KIAA0930: variants seen among roughly 807,000 people sequenced by gnomAD.
KIAA0930 encodes the protein KIAA0930, also known as uncharacterized protein KIAA0930.
In KIAA0930, 24 loss-of-function variants were observed where a neutral mutation model predicts 43.9. The ratio of observed to expected loss-of-function variants is 0.55; its 90% CI spans 0.40 to 0.77. The LOEUF is 0.77. Ranked by LOEUF, KIAA0930 falls within the 30% of genes least tolerant of loss-of-function variation. The pLI is 0.00. For synonymous variants in KIAA0930, 259 were observed against 216.4 expected (o/e 1.20, Z -1.73); for missense variants, 461 against 574.2 (o/e 0.80, Z 2.02).
chr22:45,224,585 T>C (rs1320360581), intron 1 of KIAA0930, among the ~76,000 whole-genome samples: 1 of 152,202 alleles, frequency 6.6e-6, no homozygotes. Context: ...CGGTCCCTGC[T>C]GCCCCCGCCA....
chr22:45,228,252 C>T (rs971386551), intron 1 of KIAA0930, among the ~76,000 whole-genome samples: 22 of 152,206 alleles, frequency 1.4e-4, no homozygotes, highest in African/African-American at 5.1e-4. Context: ...CCCTGAGCAG[C>T]TGGTCCTGCC....
Position 45,205,919 on chromosome 22 carries a change from G to A in KIAA0930, c.217-7C>T. On this transcript the variant is annotated splice_polypyrimidine_tract_variant and splice_region_variant and intron_variant, in intron 2 of 9. Coordinates refer to ENST00000336156, the MANE Select transcript of KIAA0930 (RefSeq NM_001009880.2). ...CCACCTCAGGCTCAGCTGCCTGCGA[G>A]GCCCAGAGCAGAAGTGAGTGCCCAG... is the stretch of plus-strand genomic sequence containing the variant. 6.2e-7 allele frequency: 1 copy of A among 1,612,446 alleles called. No homozygotes were observed. The highest frequency in any genetic ancestry group is 2.2e-5 in the East Asian group (1 of 44,884).
In KIAA0930 at chr22:45,199,899, T is replaced by A. The variant is rs998491313; in HGVS notation, c.989A>T (p.Glu330Val). ...KKSHSANDSEEFFREDDGGAD... is the reference protein window; with the variant it reads ...KKSHSANDSEVFFREDDGGAD... ...TCCACCGTCGTCCTCCCGGAAGAACTCCTCGCTGTCGTTGGCCGAGTGCGA... is the reference window on the plus strand; with the variant it reads ...TCCACCGTCGTCCTCCCGGAAGAACACCTCGCTGTCGTTGGCCGAGTGCGA... The change falls in exon 8 of 10, where the codon GAG (glutamate) becomes GTG (valine). Residue 330 changes from glutamate (E) to valine (V), a missense_variant. Glu to Val is a moderately radical substitution (Grantham distance 121). Coordinates refer to ENST00000336156, the MANE Select transcript of KIAA0930 (RefSeq NM_001009880.2). The A allele has an allele frequency of 3.8e-6, 6 of 1,594,376 alleles. No homozygotes were observed. In the African/African-American group the frequency reaches 8.1e-5, roughly 21 times the overall value.
In KIAA0930 at chr22:45,197,935, A is replaced by G. The variant is rs1244642610; in HGVS notation, c.1029T>C (p.Asn343=). 1 of 1,614,080 alleles carries G rather than the reference A, an allele frequency of 6.2e-7. No individual in the cohort carries two copies. Among genetic ancestry groups the G allele is most frequent in the African/African-American group, 1.3e-5 (1 of 75,040 alleles). The change falls in exon 9 of 10, where the codon AAT becomes AAC. Residue 343 remains asparagine, a synonymous_variant. Transcript: ENST00000336156. ...REDDGGADLH[N]ATNLRSRSLS... is the part of the protein sequence containing the mutation. ...GGGACCGAGACCGCAGGTTGGTTGC[A>G]TTGTGCAGATCGGCTGGAGGAAAGA...
chr22:45,212,548 G>C (rs904701073), intron 1 of KIAA0930: 1 of 1,401,236 alleles, frequency 7.1e-7, no homozygotes, highest in Admixed American at 3.0e-5. Flanking sequence ...CCCTGGCTGC[G>C]GCAGTCCCAG....
chr22:45,221,434 G>A (rs1025775127), intron 1 of KIAA0930, among the ~76,000 whole-genome samples: 3 of 152,204 alleles, frequency 2.0e-5, no homozygotes, highest in Admixed American at 2.0e-4. Context: ...TCCGGATTTA[G>A]GGTTATAGTT....
intron 1 of KIAA0930, among the ~76,000 whole-genome samples, chr22:45,237,102 G>A (rs983193126): frequency 5.9e-5 from 9 of 152,244 alleles, no homozygotes; most frequent in Admixed American, 2.6e-4. Flanking sequence ...CCCAAGCCCC[G>A]GGAAGAAGTG....
intron 1 of KIAA0930, among the ~76,000 whole-genome samples, chr22:45,222,717 C>A (rs138267232): frequency 6.7e-6 from 1 of 148,376 alleles, no homozygotes; most frequent in Non-Finnish European, 1.5e-5. Flanking sequence ...GAAACACAGA[C>A]GGAACCCTTA....
chr22:45,217,089 G>A (rs1483224739), intron 1 of KIAA0930, among the ~76,000 whole-genome samples: 4 of 152,032 alleles, frequency 2.6e-5, no homozygotes, highest in Admixed American at 6.6e-5. Context: ...GGCCAGATGC[G>A]GCGGTTCATG....
At chr22:45,233,665 T>C (rs1601828165) in intron 1 of KIAA0930, among the ~76,000 whole-genome samples, 1 of 151,728 alleles carries the variant, frequency 6.6e-6, no homozygotes, top group Admixed American at 6.6e-5. Context: ...GCTGGGAGGG[T>C]GGGCAGGACA....
In KIAA0930 at chr22:45,197,093, C is replaced by T; in HGVS notation, c.*83G>A. On this transcript the variant is annotated 3_prime_UTR_variant, in exon 10 of 10. Coordinates refer to ENST00000336156, the MANE Select transcript of KIAA0930 (RefSeq NM_001009880.2). ...CCAGCACTGGCGTGCCATCGCAGAC[C>T]CCGGTGGCGGTGGACAGGTAGGCAC... 1 of 1,205,254 alleles carries T rather than the reference C, an allele frequency of 8.3e-7. No individual in the cohort carries two copies. The highest frequency in any genetic ancestry group is 2.8e-5 in the Admixed American group (1 of 35,196). 74.7% of individuals were successfully genotyped at this position (1,205,254 alleles called of 1,614,324 possible).
chr22:45,228,703 AC>A (rs2083819420), intron 1 of KIAA0930, among the ~76,000 whole-genome samples: 1 of 66,818 alleles, frequency 1.5e-5, no homozygotes. Context: ...CACCCCCCCA[AC>A]CACCAAACAC....
rs564492608 is a variant in KIAA0930, at chr22:45,226,260, C to T, written c.65-14153G>A. The T allele has an allele frequency of 2.4e-4, 113 of 471,176 alleles. 2 individuals carry two copies. The highest frequency in any genetic ancestry group is 1.5e-3 in the South Asian group (95 of 64,564). 29.2% of individuals were successfully genotyped at this position (471,176 alleles called of 1,614,324 possible). On this transcript the variant is annotated intron_variant, in intron 1 of 9. Coordinates refer to ENST00000336156, the MANE Select transcript of KIAA0930 (RefSeq NM_001009880.2). ...AATCCCCAGGCCACATGTGTGACCA[C>T]CTAACAGCCATTTTACAGTTAAGGA...
intron 1 of KIAA0930, among the ~76,000 whole-genome samples, chr22:45,214,176 C>CAACAAACA (rs528070309): frequency 4.6e-5 from 7 of 152,118 alleles, no homozygotes; most frequent in African/African-American, 1.7e-4. Context: ...GACTCTGTCT[C>CAACAAACA]AACAAACAAA....
intron 1 of KIAA0930, 138 bp from the exon 2 acceptor site, chr22:45,212,245 T>C (rs1200690303): frequency 6.2e-7 from 1 of 1,612,454 alleles, no homozygotes; most frequent in Non-Finnish European, 8.5e-7. Context: ...CACCCTTCCC[T>C]CACCACTCCC....
chr22:45,232,547 C>T (rs2083860510), intron 1 of KIAA0930, among the ~76,000 whole-genome samples: 2 of 146,564 alleles, frequency 1.4e-5, no homozygotes, highest in Admixed American at 1.3e-4. Flanking sequence ...TGAGTCTCCC[C>T]TGTCTGTGTC....
intron 2 of KIAA0930, among the ~76,000 whole-genome samples, chr22:45,208,523 T>C (rs1166092491): frequency 1.4e-5 from 2 of 146,904 alleles, no homozygotes; most frequent in Non-Finnish European, 3.0e-5. Context: ...ACCCACCGAC[T>C]CCACATGCAG....
chr22:45,208,240 T>C (rs1031947470), intron 2 of KIAA0930, among the ~76,000 whole-genome samples: 1 of 151,018 alleles, frequency 6.6e-6, no homozygotes, highest in African/African-American at 2.4e-5. Flanking sequence ...CTCACAAACA[T>C]GACATGCGGA....
intron 1 of KIAA0930, among the ~76,000 whole-genome samples, chr22:45,222,536 T>A (rs2083773423): frequency 6.6e-6 from 1 of 152,086 alleles, no homozygotes; most frequent in South Asian, 2.1e-4. Context: ...CTCAAACTCC[T>A]GAGCTCAAGC....
Sources: allele counts gnomAD v4.1 joint callset (sites outside exome capture counted in the v4.1 genomes callset), GRCh38; gene constraint gnomAD v4.1.1; transcripts MANE v1.5; gene names NCBI Gene and HGNC (gene_info 2026-07-23, HGNC 2026-07-21).